Variants in SRRD observed in about 807,000 individuals in gnomAD.
SRRD encodes the protein SRR1-like protein.
In SRRD, 28 loss-of-function variants were observed where a neutral mutation model predicts 30.7. The ratio of observed to expected loss-of-function variants is 0.91; its 90% confidence interval spans 0.68 to 1.25. The LOEUF is 1.25. Ranked by LOEUF, SRRD falls within the 50% of genes most tolerant of loss-of-function variation. SRRD has a pLI of 0.00. For missense variants in SRRD, 415 were observed against 417.3 expected (o/e 0.99, Z 0.05); for synonymous variants, 161 against 159.6 (o/e 1.01, Z -0.07).
intron 5 of SRRD, among the ~76,000 whole-genome samples, chr22:26,490,608 G>A (rs552132848): frequency 1.2e-4 from 13 of 111,608 alleles, no homozygotes; most frequent in Admixed American, 5.3e-4. Context: ...CTGTCCCCCC[G>A]GCTGGAGTGC....
rs142299929 is a variant in SRRD at position 26,484,614 on chromosome 22, G to A, written c.209+515G>A. Among the ~76,000 whole-genome samples the A allele has an allele frequency of 1.4e-4, 22 of 152,282 alleles. No homozygotes were observed. In the East Asian group the frequency reaches 3.5e-3, roughly 24 times the overall value. ...ATGTTAAACATTGCAGGCATACTAG[G>A]ACCCTGGTAGCTCACTGATTCTCAA... On this transcript the variant is annotated intron_variant, in intron 1 of 6. Coordinates refer to ENST00000215917, the MANE Select transcript of SRRD (RefSeq NM_001013694.3).
At chr22:26,490,021 A>T in intron 4 of SRRD, 23 bp from the exon 5 acceptor site, 1 of 1,613,568 alleles carries the variant, frequency 6.2e-7, no homozygotes, top group Non-Finnish European at 8.5e-7. Context: ...GCATGTTTAC[A>T]CCTGTGAATA....
rs771952265 is a variant in SRRD, at chr22:26,493,809, A to G, written c.*2137A>G. The stretch of plus-strand genomic sequence containing the variant: ...ACACTGTAAGATGCGTCACCTAAGC[A>G]GCATGCTCAGGCATGAATGAGCCTT... On this transcript the variant is annotated 3_prime_UTR_variant, in exon 7 of 7. Coordinates refer to ENST00000215917, the MANE Select transcript of SRRD (RefSeq NM_001013694.3). 1.7e-5 allele frequency: 5 copies of G among 288,982 alleles called. No individual in the cohort carries two copies. The highest frequency in any genetic ancestry group is 3.4e-5 in the Non-Finnish European group (5 of 149,038). 17.9% of individuals were successfully genotyped at this position (288,982 alleles called of 1,614,324 possible). A position where few individuals can be genotyped will look rare whatever the true frequency, so the allele number is the denominator to read the frequency against.
chr22:26,484,014 CGGG>C lies in SRRD; in HGVS notation c.127_129del (p.Gly43del), dbSNP rs1569146401. The C allele has an allele frequency of 1.3e-5, 18 of 1,402,606 alleles. No homozygotes were observed. The Admixed American group carries it at 1.4e-4, about 11-fold the overall frequency. The allele number at this position is 1,402,606 out of a possible 1,614,324, so 86.9% of individuals were successfully genotyped here. ...GCCCCGGGGGAGAGAGGCGGCGCCC[CGGG>C]GGAGAGAGGCGGCGCCCCGGGGCCC... On this transcript the variant is annotated inframe_deletion, in exon 1 of 7. Transcript: ENST00000215917.
In SRRD at chr22:26,491,643, A is replaced by G. The variant is rs958154923; in HGVS notation, c.991A>G (p.Lys331Glu). ...DCEDLEIIRN[K>E]REDPSATD ...TGAGGACCTTGAAATCATCAGGAAC[A>G]AGAGAGAAGATCCTTCTGCTACTGA... is the stretch of plus-strand genomic sequence containing the variant. Residue 331 changes from lysine (K) to glutamate (E), a missense_variant, in exon 7 of 7, where the codon AAG becomes GAG. Transcript: ENST00000215917. 2.0e-5 allele frequency: 33 copies of G among 1,612,874 alleles called. No individual in the cohort carries two copies. Among genetic ancestry groups the G allele is most frequent in the African/African-American group, 5.3e-5 (4 of 74,924 alleles).
At chr22:26,489,449 G>T (rs370906335) in intron 4 of SRRD, among the ~76,000 whole-genome samples, 6 of 152,076 alleles carry the variant, frequency 3.9e-5, no homozygotes, top group Admixed American at 3.3e-4. Context: ...ACAGAACCAG[G>T]ATTGAAGGTA....
Position 26,491,983 on chromosome 22 carries a change from GTC to G in SRRD, c.*315_*316del. The G allele has an allele frequency of 3.2e-6, 5 of 1,554,860 alleles. No homozygotes were observed. Among genetic ancestry groups the G allele is most frequent in the Non-Finnish European group, 4.4e-6 (5 of 1,146,292 alleles). On this transcript the variant is annotated 3_prime_UTR_variant, in exon 7 of 7. Coordinates refer to ENST00000215917, the MANE Select transcript of SRRD (RefSeq NM_001013694.3). The stretch of plus-strand genomic sequence containing the variant: ...TACAGTACATCCCTCTTAGGGGCAA[GTC>G]TCTGACTGGTTCTGGACCTGCCACA...
intron 1 of SRRD, among the ~76,000 whole-genome samples, chr22:26,485,774 C>T (rs761173113): frequency 6.6e-6 from 1 of 152,178 alleles, no homozygotes; most frequent in South Asian, 2.1e-4. Flanking sequence ...TGAGAATAGA[C>T]CCAGATCTCT....
At chr22:26,484,125 A>T in intron 1 of SRRD, 26 bp downstream of exon 1, 1 of 1,522,042 alleles carries the variant, frequency 6.6e-7, no homozygotes, top group Non-Finnish European at 8.8e-7. Flanking sequence ...GCCCTGATGG[A>T]ATCTTTGCGC....
chr22:26,490,065 G>A lies in SRRD; in HGVS notation c.631G>A (p.Gly211Arg), dbSNP rs756111926. ...ENEEGKRSIR[G>R]EPTIFYMLHC... Reference sequence around the variant, plus strand: ...CCAGGAAGGGAAACGGAGTATTCGCGGGGAGCCTACCATCTTTTACATGCT... The same window carrying A: ...CCAGGAAGGGAAACGGAGTATTCGCAGGGAGCCTACCATCTTTTACATGCT... The change falls in exon 5 of 7, where the codon GGG becomes AGG. Residue 211 changes from glycine to arginine, a missense_variant. Gly to Arg is a moderately radical substitution (Grantham distance 125). Coordinates refer to ENST00000215917, the MANE Select transcript of SRRD (RefSeq NM_001013694.3). The A allele has an allele frequency of 2.4e-5, 39 of 1,613,884 alleles. No homozygotes were observed. The highest frequency in any genetic ancestry group is 1.6e-4 in the Middle Eastern group (1 of 6,074).
At chr22:26,486,395 C>T (rs867894663) in intron 2 of SRRD, among the ~76,000 whole-genome samples, 2 of 152,172 alleles carry the variant, frequency 1.3e-5, no homozygotes, top group African/African-American at 2.4e-5. Flanking sequence ...GCCTTTTCCT[C>T]GTGCAGTGAT....
chr22:26,488,099 C>G lies in SRRD; in HGVS notation c.321C>G (p.Ile107Met). 1 of 1,614,210 alleles carries G rather than the reference C, an allele frequency of 6.2e-7. No homozygotes were observed. The highest frequency in any genetic ancestry group is 8.5e-7 in the Non-Finnish European group (1 of 1,180,030). The change falls in exon 3 of 7, where the codon ATC becomes ATG. Residue 107 changes from isoleucine to methionine, a missense_variant. Ile to Met is a conservative substitution (Grantham distance 10). Coordinates refer to ENST00000215917, the MANE Select transcript of SRRD (RefSeq NM_001013694.3). ...LKAPVGTLSD[I>M]FGNLHLDSLP... is the part of the protein sequence containing the mutation. ...CCCCTGTGGGGACTCTTTCAGACAT[C>G]TTTGGAAACCTGCATCTTGACTCAT... is the stretch of plus-strand genomic sequence containing the variant.
rs534252394 is a variant in SRRD, at chr22:26,487,263, T to A, written c.251-766T>A. 1.1e-4 allele frequency among the ~76,000 whole-genome samples: 16 copies of A among 152,320 alleles called. No homozygotes were observed. In the East Asian group the frequency reaches 2.7e-3, roughly 26 times the overall value. On this transcript the variant is annotated intron_variant, in intron 2 of 6. Coordinates refer to ENST00000215917, the MANE Select transcript of SRRD (RefSeq NM_001013694.3). ...GTGAAAAGTTGGTATCTTATTGGAA[T>A]GCACGGCTTTTTTTGTTTTGCTAAA...
At position 26,484,116 on chromosome 22, in the gene SRRD, C is replaced by G. The variant is rs765763328; in HGVS notation, c.209+17C>G. 5.2e-6 allele frequency: 8 copies of G among 1,525,948 alleles called. No homozygotes were observed. The African/African-American group carries it at 1.1e-4, about 21-fold the overall frequency. 94.5% of individuals were successfully genotyped at this position (1,525,948 alleles called of 1,614,324 possible). A position where few individuals can be genotyped will look rare whatever the true frequency, so the allele number is the denominator to read the frequency against. Reference sequence around the variant, plus strand: ...GGAGGCTGAGTGAGTGCAGGCTCGGCCCTGATGGAATCTTTGCGCCCATGG... The same window carrying G: ...GGAGGCTGAGTGAGTGCAGGCTCGGGCCTGATGGAATCTTTGCGCCCATGG... On this transcript the variant is annotated intron_variant, in intron 1 of 6. Coordinates refer to ENST00000215917, the MANE Select transcript of SRRD (RefSeq NM_001013694.3).
rs1921363257 is a variant in SRRD at position 26,492,690 on chromosome 22, T to G, written c.*1018T>G. ...CTCAGCCACTCTTCTGTTCCCACCT[T>G]GCTCTGTAGAGTTTCCATTTCCCAC... On this transcript the variant is annotated 3_prime_UTR_variant, in exon 7 of 7. Coordinates refer to ENST00000215917, the MANE Select transcript of SRRD (RefSeq NM_001013694.3). 2 of 283,760 alleles carry G rather than the reference T, an allele frequency of 7.0e-6. No individual in the cohort carries two copies. Among genetic ancestry groups the G allele is most frequent in the Non-Finnish European group, 1.4e-5 (2 of 147,846 alleles). The allele number at this position is 283,760 out of a possible 1,614,324, so 17.6% of individuals were successfully genotyped here.
At chr22:26,488,960 C>G (rs897384099) in intron 4 of SRRD, among the ~76,000 whole-genome samples, 2 of 152,168 alleles carry the variant, frequency 1.3e-5, no homozygotes, top group Non-Finnish European at 2.9e-5. Context: ...TTTGCACCCC[C>G]CAAAATAGCT....
Position 26,483,928 on chromosome 22 carries a change from A to T in SRRD, c.38A>T (p.Gln13Leu). The change falls in exon 1 of 7, where the codon CAG becomes CTG. Residue 13 changes from glutamine (Q) to leucine (L), a missense_variant. Coordinates refer to ENST00000215917, the MANE Select transcript of SRRD (RefSeq NM_001013694.3). Reference protein sequence around the residue: ...AAAAAALESWQAAAPRKRRSA... With the variant: ...AAAAAALESWLAAAPRKRRSA... Reference sequence around the variant, plus strand: ...GCAGCTGCGGCGCTGGAATCCTGGCAGGCGGCGGCTCCGCGGAAGAGGCGC... The same window carrying T: ...GCAGCTGCGGCGCTGGAATCCTGGCTGGCGGCGGCTCCGCGGAAGAGGCGC... 7.4e-7 allele frequency: 1 copy of T among 1,349,582 alleles called. No homozygotes were observed. The highest frequency in any genetic ancestry group is 9.4e-7 in the Non-Finnish European group (1 of 1,061,396). The allele number at this position is 1,349,582 out of a possible 1,614,324, so 83.6% of individuals were successfully genotyped here.
chr22:26,486,098 G>A, intron 2 of SRRD, 35 bp downstream of exon 2: 1 of 1,613,880 alleles, frequency 6.2e-7, no homozygotes, highest in South Asian at 1.1e-5. Context: ...GGGATTGTGG[G>A]GCAGAAAAGA....
chr22:26,491,915 A>G lies in SRRD; in HGVS notation c.*243A>G, dbSNP rs1018749495. On this transcript the variant is annotated 3_prime_UTR_variant, in exon 7 of 7. Coordinates refer to ENST00000215917, the MANE Select transcript of SRRD (RefSeq NM_001013694.3). Reference sequence around the variant, plus strand: ...CCTGATGTGGAGTAGCTCCTGAGTAAAGAAGTTACCCTTTTGAAGGTGATC... The same window carrying G: ...CCTGATGTGGAGTAGCTCCTGAGTAGAGAAGTTACCCTTTTGAAGGTGATC... 23 of 1,252,484 alleles carry G rather than the reference A, an allele frequency of 1.8e-5. No homozygotes were observed. The highest frequency in any genetic ancestry group is 6.8e-5 in the Admixed American group (3 of 43,922). 77.6% of individuals were successfully genotyped at this position (1,252,484 alleles called of 1,614,324 possible). A position where few individuals can be genotyped will look rare whatever the true frequency, so the allele number is the denominator to read the frequency against.
Sources: gnomAD v4.1 joint callset for allele counts (sites outside exome capture counted in the v4.1 genomes callset) on GRCh38, gnomAD v4.1.1 for gene constraint, MANE v1.5 for transcripts, NCBI Gene and HGNC (gene_info 2026-07-23, HGNC 2026-07-21) for gene names.